The following SENP7 variants were observed in gnomAD, a reference collection of about 807,000 sequenced individuals.
The protein encoded by SENP7 is SUMO specific peptidase 7, also known as sentrin-specific protease 7.
SENP7 carries 64 observed loss-of-function variants against 141.2 expected under a neutral mutation model. That is an observed-to-expected ratio of 0.45 (90% CI 0.37 to 0.56). The LOEUF (loss-of-function observed/expected upper bound fraction) is 0.56, where lower values mean the gene tolerates loss of function less well. SENP7 is among the 20% of genes least tolerant of loss of function. The probability of loss-of-function intolerance (pLI) is 0.00; values close to 1 mark genes in which losing one functional copy is unlikely to be tolerated. For missense variants in SENP7, 1,025 were observed against 1,212.2 expected (o/e 0.85, Z 2.29); for synonymous variants, 382 against 426.4 (o/e 0.90, Z 1.28).
intron 12 of SENP7, 22 bp from the exon 13 acceptor site, chr3:101,348,073 A>G: frequency 6.6e-7 from 1 of 1,511,622 alleles, no homozygotes; most frequent in Non-Finnish European, 8.9e-7. Flanking sequence ...AAAAGACAAC[A>G]ATTTAAAAAA....
At position 101,458,930 on chromosome 3, in the gene SENP7, T is replaced by C. The variant is rs368137232; in HGVS notation, c.284+25A>G. On this transcript the variant is annotated intron_variant, in intron 4 of 23. Coordinates refer to ENST00000394095, the MANE Select transcript of SENP7 (RefSeq NM_020654.5). ...TCAACTTTATAGGTTAAGCCCATACTATGTCGCACACACACATATCTTACC... is the reference window on the plus strand; with the variant it reads ...TCAACTTTATAGGTTAAGCCCATACCATGTCGCACACACACATATCTTACC... 654 of 1,376,072 alleles carry C rather than the reference T, an allele frequency of 4.8e-4. 2 individuals are homozygous for C. Among genetic ancestry groups the C allele is most frequent in the Non-Finnish European group, 6.2e-4 (603 of 977,534 alleles). 85.2% of individuals were successfully genotyped at this position (1,376,072 alleles called of 1,614,324 possible).
At chr3:101,447,066 C>T (rs1162075335) in intron 4 of SENP7, among the ~76,000 whole-genome samples, 1 of 151,940 alleles carries the variant, frequency 6.6e-6, no homozygotes, top group Non-Finnish European at 1.5e-5. Context: ...AAAATTGATA[C>T]CATACAAATA....
intron 17 of SENP7, among the ~76,000 whole-genome samples, chr3:101,336,817 CA>C (rs1488872615): frequency 6.6e-6 from 1 of 152,154 alleles, no homozygotes; most frequent in African/African-American, 2.4e-5. Flanking sequence ...GCCACTGCTC[CA>C]CAGTTTTAGT....
At chr3:101,376,705 A>G (rs1049678431) in intron 6 of SENP7, among the ~76,000 whole-genome samples, 2 of 152,200 alleles carry the variant, frequency 1.3e-5, no homozygotes, top group African/African-American at 2.4e-5. Context: ...TAATGGGTGC[A>G]GCACACCAAC....
chr3:101,426,527 T>G (rs1244458507), intron 4 of SENP7, among the ~76,000 whole-genome samples: 1 of 151,586 alleles, frequency 6.6e-6, no homozygotes, highest in Non-Finnish European at 1.5e-5. Context: ...CTGCCCAGGA[T>G]GGAGTTCAGT....
chr3:101,482,928 T>C (rs1387545812), intron 3 of SENP7, among the ~76,000 whole-genome samples: 1 of 152,066 alleles, frequency 6.6e-6, no homozygotes, highest in African/African-American at 2.4e-5. Flanking sequence ...TGGCTATTAC[T>C]AAAAAGTCAA....
At chr3:101,348,599 T>C (rs888905391) in intron 12 of SENP7, among the ~76,000 whole-genome samples, 1 of 152,154 alleles carries the variant, frequency 6.6e-6, no homozygotes, top group African/African-American at 2.4e-5. Context: ...CATTCCGCTA[T>C]ACAGATAAGC....
intron 4 of SENP7, among the ~76,000 whole-genome samples, chr3:101,429,753 T>A (rs1226963933): frequency 6.6e-6 from 1 of 152,206 alleles, no homozygotes; most frequent in African/African-American, 2.4e-5. Context: ...AGAGAGGGCA[T>A]CCTTGTCTTG....
At chr3:101,497,160 C>T (rs1360934370) in intron 2 of SENP7, among the ~76,000 whole-genome samples, 1 of 151,858 alleles carries the variant, frequency 6.6e-6, no homozygotes, top group Admixed American at 6.6e-5. Context: ...CTAGAATAAG[C>T]CTTGTGGTGT....
At chr3:101,497,896 T>C (rs2065223827) in intron 2 of SENP7, among the ~76,000 whole-genome samples, 1 of 152,210 alleles carries the variant, frequency 6.6e-6, no homozygotes, top group Admixed American at 6.5e-5. Context: ...TCAACTCCCC[T>C]GGCTCAAACG....
At chr3:101,367,304 T>C (rs1398453962) in intron 8 of SENP7, among the ~76,000 whole-genome samples, 1 of 152,114 alleles carries the variant, frequency 6.6e-6, no homozygotes, top group Non-Finnish European at 1.5e-5. Context: ...TGAAAAGCTG[T>C]CTTACTGTTT....
chr3:101,509,193 T>TA (rs752022099), intron 1 of SENP7, among the ~76,000 whole-genome samples: 13 of 151,942 alleles, frequency 8.6e-5, no homozygotes, highest in South Asian at 2.1e-4. Context: ...CTCATATTCC[T>TA]AAAAAAAACA....
chr3:101,356,464 T>C (rs1322981486), intron 11 of SENP7, among the ~76,000 whole-genome samples: 1 of 152,194 alleles, frequency 6.6e-6, no homozygotes, highest in Admixed American at 6.5e-5. Flanking sequence ...AACAAGTACA[T>C]TTTCAATGTA....
At chr3:101,356,842 G>A (rs557183399) in intron 11 of SENP7, among the ~76,000 whole-genome samples, 23 of 152,156 alleles carry the variant, frequency 1.5e-4, no homozygotes, top group African/African-American at 4.3e-4. Flanking sequence ...AGTACAAAAT[G>A]TGTGCAATAA....
At chr3:101,427,014 G>A (rs1038000906) in intron 4 of SENP7, among the ~76,000 whole-genome samples, 5 of 152,198 alleles carry the variant, frequency 3.3e-5, no homozygotes, top group Non-Finnish European at 7.4e-5. Context: ...GCATCATCCT[G>A]ATACAAAAAC....
Position 101,330,357 on chromosome 3 carries a change from A to G in SENP7, c.2728T>C (p.Ser910Pro). The part of the protein sequence containing the change: ...DNDLRTTSTL[S>P]LSAEDSQSTE... The stretch of plus-strand genomic sequence containing the variant: ...ACTTGGGAATCCTCTGCACTCAAAG[A>G]CAGTGTCGAAGTAGTACGTAGATCA... Residue 910 changes from serine to proline, a missense_variant, in exon 20 of 24, where the codon TCT becomes CCT. Ser to Pro is a moderately conservative substitution (Grantham distance 74). Transcript: ENST00000394095. 1 of 1,608,530 alleles carries G rather than the reference A, an allele frequency of 6.2e-7. No individual in the cohort carries two copies. The highest frequency in any genetic ancestry group is 8.5e-7 in the Non-Finnish European group (1 of 1,175,374).
chr3:101,500,363 T>C (rs967734095), intron 2 of SENP7, among the ~76,000 whole-genome samples: 2 of 152,162 alleles, frequency 1.3e-5, no homozygotes, highest in Non-Finnish European at 1.5e-5. Context: ...GAGACCAGCC[T>C]GGGCAACATA....
intron 4 of SENP7, among the ~76,000 whole-genome samples, chr3:101,421,188 C>A (rs536883172): frequency 1.3e-5 from 2 of 151,876 alleles, no homozygotes; most frequent in Non-Finnish European, 2.9e-5. Context: ...ATGCCTGCAA[C>A]TTACTCTCAA....
intron 4 of SENP7, among the ~76,000 whole-genome samples, chr3:101,434,145 A>AAT (rs2062295111): frequency 6.6e-6 from 1 of 152,204 alleles, no homozygotes; most frequent in South Asian, 2.1e-4. Context: ...ATACTATACA[A>AAT]ATATATGGAA....
Sources: gnomAD v4.1 joint callset for allele counts (sites outside exome capture counted in the v4.1 genomes callset) on GRCh38, gnomAD v4.1.1 for gene constraint, MANE v1.5 for transcripts, NCBI Gene and HGNC (gene_info 2026-07-23, HGNC 2026-07-21) for gene names.